Variants in HDAC1 observed in about 807,000 individuals in gnomAD.
HDAC1 encodes the protein histone deacetylase 1.
In HDAC1, 18 loss-of-function variants were observed where a neutral mutation model predicts 65.5. The observed-to-expected ratio is 0.27, with a 90% CI of 0.19 to 0.41. The LOEUF (loss-of-function observed/expected upper bound fraction) is 0.41. Among genes scored for constraint, HDAC1 ranks in the 10% least tolerant of loss-of-function variants. HDAC1 has a pLI of 1.00. For synonymous variants in HDAC1, 211 were observed against 227.9 expected (o/e 0.93, Z 0.67); for missense variants, 373 against 625.2 (o/e 0.60, Z 4.30).
chr1:32,299,333 A>G (rs571894885), intron 1 of HDAC1, among the ~76,000 whole-genome samples: 2 of 152,124 alleles, frequency 1.3e-5, no homozygotes. Flanking sequence ...CTGTAATCCC[A>G]GCACTTTAGA....
intron 1 of HDAC1, among the ~76,000 whole-genome samples, chr1:32,293,320 TAAA>T (rs551512691): frequency 2.5e-5 from 3 of 121,620 alleles, no homozygotes; most frequent in African/African-American, 3.0e-5. Flanking sequence ...GGCTCTGTCT[TAAA>T]AAAAAAAAAA....
intron 2 of HDAC1, 26 bp downstream of exon 2, chr1:32,302,759 C>A: frequency 3.0e-6 from 3 of 1,014,530 alleles, no homozygotes; most frequent in South Asian, 1.3e-5. Context: ...TGCTACCGCT[C>A]CCTAACCTCA....
At chr1:32,308,641 C>G (rs1420136855) in intron 2 of HDAC1, among the ~76,000 whole-genome samples, 2 of 152,092 alleles carry the variant, frequency 1.3e-5, no homozygotes, top group Admixed American at 1.3e-4. Context: ...GCCTCAGCCT[C>G]CCGAGTAGCT....
intron 2 of HDAC1, among the ~76,000 whole-genome samples, chr1:32,311,395 C>G (rs1640989068): frequency 6.6e-6 from 1 of 151,694 alleles, no homozygotes; most frequent in Admixed American, 6.6e-5. Flanking sequence ...TGAACTTGGG[C>G]AGCAGAAGTT....
chr1:32,306,192 CTT>C (rs59708330), intron 2 of HDAC1, among the ~76,000 whole-genome samples: 24 of 137,444 alleles, frequency 1.7e-4, no homozygotes, highest in Admixed American at 2.2e-4. Flanking sequence ...TTTTCTTTTT[CTT>C]TTTTTTTTTT....
rs1156481028 is a variant in HDAC1 at position 32,329,195 on chromosome 1, AGGGGATTGGTTGGCGGTGGAGG to A, written c.729+38_729+59del. 1.5e-6 allele frequency: 2 copies of A among 1,312,370 alleles called. No individual in the cohort carries two copies. Among genetic ancestry groups the A allele is most frequent in the African/African-American group, 2.9e-5 (2 of 69,004 alleles). 81.3% of individuals were successfully genotyped at this position (1,312,370 alleles called of 1,614,324 possible). On this transcript the variant is annotated intron_variant, in intron 7 of 13. Coordinates refer to ENST00000373548, the MANE Select transcript of HDAC1 (RefSeq NM_004964.3). This position sits in a 1 kb window ranked among gnomAD's most constrained non-coding sequence, Gnocchi z 4.1. ...TTTATCCACCCCTTGGGCTACAAAC[AGGGGATTGGTTGGCGGTGGAGG>A]GGAGCAAAGCACCCCCACCATACCT... is the stretch of plus-strand genomic sequence containing the variant.
Position 32,302,672 on chromosome 1 carries a change from G to A in HDAC1, c.101G>A (p.Arg34Gln), listed in dbSNP as rs751240872. 3.1e-6 allele frequency: 5 copies of A among 1,608,780 alleles called. No homozygotes were observed. The highest frequency in any genetic ancestry group is 4.3e-6 in the Non-Finnish European group (5 of 1,175,170). The change falls in exon 2 of 14, where the codon CGA becomes CAA. Residue 34 changes from arginine (R) to glutamine (Q), a missense_variant. Physicochemically the swap from Arg to Gln is conservative, Grantham distance 43. Coordinates refer to ENST00000373548, the MANE Select transcript of HDAC1 (RefSeq NM_004964.3). Reference protein sequence around the residue: ...YGQGHPMKPHRIRMTHNLLLN... With the variant: ...YGQGHPMKPHQIRMTHNLLLN... ...CAAGGCCACCCAATGAAGCCTCACC[G>A]AATCCGCATGACTCATAATTTGCTG...
In HDAC1 at chr1:32,320,770, T is replaced by A. The variant is rs147926506; in HGVS notation, c.281-3709T>A. On this transcript the variant is annotated intron_variant, in intron 3 of 13. Transcript: ENST00000373548. ...CAAAAATTAGCCATGTGTGGTGGTATATGCCTGTAATCCCAGCTACTCGGG... is the reference window on the plus strand; with the variant it reads ...CAAAAATTAGCCATGTGTGGTGGTAAATGCCTGTAATCCCAGCTACTCGGG... Among the ~76,000 whole-genome samples the A allele has an allele frequency of 8.8e-3, 1,334 of 150,874 alleles. 25 individuals carry two copies. The highest frequency in any genetic ancestry group is 0.031 in the African/African-American group (1,276 of 41,088).
rs1013856569 is a variant in HDAC1 at position 32,302,716 on chromosome 1, C to T, written c.145C>T (p.Arg49Ter). 1 of 1,568,924 alleles carries T rather than the reference C, an allele frequency of 6.4e-7. No homozygotes were observed. Among genetic ancestry groups the T allele is most frequent in the South Asian group, 1.1e-5 (1 of 90,148 alleles). Reference sequence around the variant, plus strand: ...TTTGCTGCTCAACTATGGTCTCTACCGAAAAATGGAAATCTATGTGAGTTA... The same window carrying T: ...TTTGCTGCTCAACTATGGTCTCTACTGAAAAATGGAAATCTATGTGAGTTA... The part of the protein sequence containing the change: ...HNLLLNYGLY[R>*]KMEIYRPHKA... Residue 49 changes from arginine (R) to a stop codon, truncating the protein, a stop_gained, in exon 2 of 14, where the codon CGA becomes TGA. Coordinates refer to ENST00000373548, the MANE Select transcript of HDAC1 (RefSeq NM_004964.3). LOFTEE classifies it high-confidence loss of function.
At chr1:32,324,904 T>C (rs1285609845) in intron 4 of HDAC1, among the ~76,000 whole-genome samples, 1 of 152,102 alleles carries the variant, frequency 6.6e-6, no homozygotes, top group Non-Finnish European at 1.5e-5. Flanking sequence ...AGGTTGAGGC[T>C]GCAGTGAGTC....
In HDAC1 at chr1:32,329,336, T is replaced by C. The variant is rs371723432; in HGVS notation, c.729+176T>C. 9.8e-6 allele frequency: 6 copies of C among 614,664 alleles called. No individual in the cohort carries two copies. Among genetic ancestry groups the C allele is most frequent in the East Asian group, 5.5e-5 (2 of 36,476 alleles). The allele number at this position is 614,664 out of a possible 1,614,324, so 38.1% of individuals were successfully genotyped here. On this transcript the variant is annotated intron_variant, in intron 7 of 13. Transcript: ENST00000373548. This position sits in a 1 kb window ranked among gnomAD's most constrained non-coding sequence, Gnocchi z 4.1. ...AGTTAGGGGAACAAACACCCATATT[T>C]ATTGGTTCCTTCTATGGGTCAGGTC...
At chr1:32,299,187 C>T (rs1359300184) in intron 1 of HDAC1, among the ~76,000 whole-genome samples, 1 of 152,068 alleles carries the variant, frequency 6.6e-6, no homozygotes, top group Non-Finnish European at 1.5e-5. Context: ...AGGAAGTGGA[C>T]AGTGTCCCTC....
intron 3 of HDAC1, among the ~76,000 whole-genome samples, chr1:32,321,062 TC>T (rs1641135744): frequency 6.6e-6 from 1 of 150,584 alleles, no homozygotes; most frequent in Admixed American, 6.6e-5. Flanking sequence ...AAACCCCATC[TC>T]TACTAAAAAT....
At chr1:32,298,623 C>T (rs1017322150) in intron 1 of HDAC1, among the ~76,000 whole-genome samples, 1 of 152,198 alleles carries the variant, frequency 6.6e-6, no homozygotes, top group East Asian at 1.9e-4. Flanking sequence ...GGCAAGTCAC[C>T]TTACATTTCA....
At chr1:32,306,254 G>A (rs1272994645) in intron 2 of HDAC1, among the ~76,000 whole-genome samples, 3 of 149,248 alleles carry the variant, frequency 2.0e-5, no homozygotes, top group Non-Finnish European at 3.0e-5. Context: ...GCAATGGCGC[G>A]ATCTTGGCTC....
intron 2 of HDAC1, among the ~76,000 whole-genome samples, chr1:32,309,415 C>T (rs1052657652): frequency 1.3e-5 from 2 of 151,930 alleles, no homozygotes; most frequent in African/African-American, 2.4e-5. Context: ...GGCTGGGTGC[C>T]GTGGCTCACG....
At chr1:32,308,644 G>A (rs1411619070) in intron 2 of HDAC1, among the ~76,000 whole-genome samples, 3 of 151,642 alleles carry the variant, frequency 2.0e-5, no homozygotes, top group African/African-American at 7.3e-5. Context: ...TCAGCCTCCC[G>A]AGTAGCTGGG....
intron 3 of HDAC1, among the ~76,000 whole-genome samples, chr1:32,323,343 G>T (rs1166978523): frequency 6.6e-6 from 1 of 151,308 alleles, no homozygotes; most frequent in Non-Finnish European, 1.5e-5. Context: ...CTTGCATACT[G>T]CTTCTGCCAT....
At position 32,324,390 on chromosome 1, in the gene HDAC1, A is replaced by G. The variant is rs1161848134; in HGVS notation, c.281-89A>G. On this transcript the variant is annotated intron_variant, in intron 3 of 13. Coordinates refer to ENST00000373548, the MANE Select transcript of HDAC1 (RefSeq NM_004964.3). ...CTGGACTAGAACCCACACCTCCTGA[A>G]TTTAAATTCTGTGTTTTTTTCCATC... is the stretch of plus-strand genomic sequence containing the variant. 11 of 893,320 alleles carry G rather than the reference A, an allele frequency of 1.2e-5. No homozygotes were observed. The Admixed American group carries it at 1.8e-4, about 14-fold the overall frequency. 55.3% of individuals were successfully genotyped at this position (893,320 alleles called of 1,614,324 possible).
Sources: allele counts gnomAD v4.1 joint callset (sites outside exome capture counted in the v4.1 genomes callset), GRCh38; gene constraint gnomAD v4.1.1; non-coding constraint Gnocchi (gnomAD v3.1); transcripts MANE v1.5; gene names NCBI Gene and HGNC (gene_info 2026-07-23, HGNC 2026-07-21).